ZPBP: variants seen among roughly 807,000 people sequenced by gnomAD.
The protein encoded by ZPBP is zona pellucida binding protein, also known as zona pellucida-binding protein 1.
A neutral mutation model predicts 44.8 loss-of-function variants in ZPBP; 26 were observed. That is an observed-to-expected ratio of 0.58 (90% confidence interval 0.43 to 0.81). The LOEUF (loss-of-function observed/expected upper bound fraction) is 0.81, where lower values mean the gene tolerates loss of function less well. Among genes scored for constraint, ZPBP ranks in the 30% least tolerant of loss-of-function variants. The pLI, the probability that ZPBP is intolerant of heterozygous loss-of-function variation, is 0.00. For missense variants in ZPBP, 409 were observed against 434.0 expected (o/e 0.94, Z 0.51); for synonymous variants, 174 against 153.2 (o/e 1.14, Z -1.00).
intron 4 of ZPBP, among the ~76,000 whole-genome samples, chr7:50,044,042 G>T (rs1800221258): frequency 6.6e-6 from 1 of 152,094 alleles, no homozygotes; most frequent in Non-Finnish European, 1.5e-5. Flanking sequence ...GTGGAAACTG[G>T]ACAATCTGCT....
Position 50,040,058 on chromosome 7 carries a change from T to G in ZPBP, c.488-8748A>C, listed in dbSNP as rs544651804. Among the ~76,000 whole-genome samples the G allele has an allele frequency of 3.3e-5, 5 of 152,270 alleles. No homozygotes were observed. The East Asian group carries it at 9.7e-4, about 29-fold the overall frequency. On this transcript the variant is annotated intron_variant, in intron 4 of 7. Coordinates refer to ENST00000046087, the MANE Select transcript of ZPBP (RefSeq NM_007009.3). ...AAATATTCATTTAATTCAACAGAAT[T>G]AATGCAGAATAGAAGAACACACATG...
intron 3 of ZPBP, among the ~76,000 whole-genome samples, chr7:50,067,610 C>T (rs1801584468): frequency 6.6e-6 from 1 of 152,156 alleles, no homozygotes; most frequent in African/African-American, 2.4e-5. Flanking sequence ...CCTTGAGGAG[C>T]TGATCTGTCA....
intron 4 of ZPBP, among the ~76,000 whole-genome samples, chr7:50,057,385 C>CAAG (rs1801004086): frequency 2.0e-5 from 3 of 152,202 alleles, no homozygotes; most frequent in African/African-American, 7.2e-5. Flanking sequence ...ATAAATTCTC[C>CAAG]CACCCTGAAT....
At chr7:49,937,314 G>A (rs1794653968), downstream of ZPBP, 1 of 496,506 alleles carries the variant, frequency 2.0e-6, no homozygotes, top group South Asian at 2.5e-5. Flanking sequence ...AGTGATACTA[G>A]AAATATTTTA....
At chr7:50,022,146 A>G (rs1005275946) in intron 5 of ZPBP, among the ~76,000 whole-genome samples, 15 of 152,164 alleles carry the variant, frequency 9.9e-5, no homozygotes, top group Middle Eastern at 3.2e-3. Context: ...TCAACAGCTG[A>G]TGAAGAATAG....
rs201826735 is a variant in ZPBP, at chr7:50,081,837, G to A, written c.271C>T (p.Arg91Ter). 2.3e-5 allele frequency: 37 copies of A among 1,611,440 alleles called. No individual in the cohort carries two copies. Among genetic ancestry groups the A allele is most frequent in the Non-Finnish European group, 2.9e-5 (34 of 1,178,256 alleles). ...GATGGGTCTATCAGTTCAGCATTTC[G>A]CAGTTGTTGCGTTACACATAACACG... Reference protein sequence around the residue: ...PHVLCVTQQLRNAELIDPSFQ... With the variant: ...PHVLCVTQQL Residue 91 changes from arginine (R) to a stop codon, truncating the protein, a stop_gained, in exon 3 of 8, where the codon CGA becomes TGA. Transcript: ENST00000046087. LOFTEE classifies it high-confidence loss of function.
At chr7:49,840,715 G>A in the ZPBP span, among the ~76,000 whole-genome samples, 47 of 152,244 alleles carry the variant, frequency 3.1e-4, no homozygotes, top group African/African-American at 1.1e-3. Flanking sequence ...ATAAAAAGCC[G>A]ATTATTCACT....
intron 1 of ZPBP, among the ~76,000 whole-genome samples, chr7:49,927,811 T>C (rs978139037): frequency 2.0e-5 from 3 of 152,196 alleles, no homozygotes; most frequent in Non-Finnish European, 2.9e-5. Context: ...TGTCATTAAA[T>C]ATGAGTTCCC....
At chr7:49,901,569 G>T (rs1011963390) in intron 1 of ZPBP, among the ~76,000 whole-genome samples, 2 of 151,658 alleles carry the variant, frequency 1.3e-5, no homozygotes, top group Non-Finnish European at 3.0e-5. Flanking sequence ...TATATAAATA[G>T]AGAGATGTTT....
intron 1 of ZPBP, chr7:49,918,846 G>A (rs183526241): frequency 2.6e-5 from 4 of 152,160 alleles, no homozygotes; most frequent in African/African-American, 9.7e-5. Flanking sequence ...GAGGCAGGTG[G>A]ATCAGGAGTT....
At chr7:50,053,465 C>A (rs1356835855) in intron 4 of ZPBP, among the ~76,000 whole-genome samples, 1 of 152,188 alleles carries the variant, frequency 6.6e-6, no homozygotes, top group African/African-American at 2.4e-5. Context: ...TGCTCAACCA[C>A]TTCTGTTCTT....
intron 6 of ZPBP, among the ~76,000 whole-genome samples, chr7:49,998,638 T>A (rs1797965508): frequency 6.6e-6 from 1 of 152,202 alleles, no homozygotes; most frequent in African/African-American, 2.4e-5. Context: ...AATATGAGAA[T>A]CAGAGTAATT....
At chr7:49,892,222 AT>A (rs1366358700) in intron 2 of ZPBP, among the ~76,000 whole-genome samples, 1 of 150,598 alleles carries the variant, frequency 6.6e-6, no homozygotes, top group Non-Finnish European at 1.5e-5. Context: ...TTTTTTTTGT[AT>A]TTTTAGTAGA....
intron 3 of ZPBP, among the ~76,000 whole-genome samples, chr7:50,069,687 G>T (rs147342475): frequency 6.6e-6 from 1 of 151,938 alleles, no homozygotes; most frequent in African/African-American, 2.4e-5. Flanking sequence ...ACTCCAAAAG[G>T]GTTGGTTTTG....
intron 4 of ZPBP, among the ~76,000 whole-genome samples, chr7:50,052,220 A>G (rs1584125379): frequency 6.6e-6 from 1 of 152,236 alleles, no homozygotes; most frequent in African/African-American, 2.4e-5. Context: ...ATCTATCTGT[A>G]TATGTGTATT....
At chr7:49,934,401 G>A (rs1794556787), downstream of ZPBP, among the ~76,000 whole-genome samples, 1 of 151,264 alleles carries the variant, frequency 6.6e-6, no homozygotes, top group Non-Finnish European at 1.5e-5. Context: ...CCAAGCTTGT[G>A]AATGTAATTC....
chr7:50,039,660 A>C (rs1799976285), intron 4 of ZPBP, among the ~76,000 whole-genome samples: 1 of 152,310 alleles, frequency 6.6e-6, no homozygotes, highest in East Asian at 1.9e-4. Flanking sequence ...GGTAACTTGA[A>C]TCCAGGGAAC....
rs1040378513 is a variant in ZPBP at position 50,081,952 on chromosome 7, C to T, written c.209-53G>A. 9 of 1,587,292 alleles carry T rather than the reference C, an allele frequency of 5.7e-6. No individual in the cohort carries two copies. The African/African-American group carries it at 1.2e-4, about 21-fold the overall frequency. ...AATAGTATTTTATCTTCTTTTCTTTCTCTATAATGTACACTTTTGTAGTTT... is the reference window on the plus strand; with the variant it reads ...AATAGTATTTTATCTTCTTTTCTTTTTCTATAATGTACACTTTTGTAGTTT... On this transcript the variant is annotated intron_variant, in intron 2 of 7. Transcript: ENST00000046087.
At chr7:50,022,695 G>A (rs888022007) in intron 5 of ZPBP, among the ~76,000 whole-genome samples, 2 of 151,972 alleles carry the variant, frequency 1.3e-5, no homozygotes, top group Non-Finnish European at 2.9e-5. Flanking sequence ...AAAAAAATCC[G>A]CAACTTTTCT....
Sources: allele counts gnomAD v4.1 joint callset (sites outside exome capture counted in the v4.1 genomes callset), GRCh38; gene constraint gnomAD v4.1.1; transcripts MANE v1.5; gene names NCBI Gene and HGNC (gene_info 2026-07-23, HGNC 2026-07-21).